MARCHF1: variants seen among roughly 807,000 people sequenced by gnomAD.
The protein encoded by MARCHF1 is E3 ubiquitin-protein ligase MARCHF1.
MARCHF1 carries 40 observed loss-of-function variants against 54.2 expected under a neutral mutation model. That is an observed-to-expected ratio of 0.74 (90% CI 0.57 to 0.96). MARCHF1 has a LOEUF of 0.96. Among genes scored for constraint, MARCHF1 ranks in the 40% least tolerant of loss-of-function variants. The probability of loss-of-function intolerance (pLI) is 0.00; values close to 1 mark genes in which losing one functional copy is unlikely to be tolerated. For missense variants in MARCHF1, 586 were observed against 656.5 expected (o/e 0.89, Z 1.17); for synonymous variants, 236 against 236.3 (o/e 1.00, Z 0.01).
At chr4:163,934,050 A>G (rs1579403794) in intron 3 of MARCHF1, among the ~76,000 whole-genome samples, 1 of 152,238 alleles carries the variant, frequency 6.6e-6, no homozygotes, top group African/African-American at 2.4e-5. Context: ...GGGGAAATAA[A>G]TAAAAGTACA....
At chr4:163,580,797 A>C (rs1361172450) in intron 8 of MARCHF1, among the ~76,000 whole-genome samples, 1 of 75,360 alleles carries the variant, frequency 1.3e-5, no homozygotes, top group Non-Finnish European at 3.1e-5. Flanking sequence ...TAAGTATTAA[A>C]GTTTTTTTTT....
At chr4:163,673,406 G>A (rs945692578) in intron 5 of MARCHF1, among the ~76,000 whole-genome samples, 2 of 152,090 alleles carry the variant, frequency 1.3e-5, no homozygotes, top group East Asian at 3.9e-4. Context: ...TTAACACTAG[G>A]CTTTTATTTT....
chr4:163,948,876 A>G lies in MARCHF1; in HGVS notation c.-39+39625T>C, dbSNP rs183411869. On this transcript the variant is annotated intron_variant, in intron 3 of 9. Coordinates refer to ENST00000514618, the MANE Select transcript of MARCHF1 (RefSeq NM_001394959.1). ...AGACAATGATTACTACAACAAGTTG[A>G]AGGGTGAGAAAGCCACAAATTAGAA... Among the ~76,000 whole-genome samples the G allele has an allele frequency of 3.9e-5, 6 of 152,384 alleles. No individual in the cohort carries two copies. The East Asian group carries it at 1.2e-3, about 29-fold the overall frequency.
At chr4:164,119,987 T>A (rs1231201966) in intron 1 of MARCHF1, among the ~76,000 whole-genome samples, 3 of 151,968 alleles carry the variant, frequency 2.0e-5, no homozygotes, top group Admixed American at 2.0e-4. Context: ...ACATTATTTT[T>A]ATGAAGTGAA....
At chr4:163,741,886 A>G (rs867720866) in intron 4 of MARCHF1, among the ~76,000 whole-genome samples, 1 of 152,166 alleles carries the variant, frequency 6.6e-6, no homozygotes, top group East Asian at 1.9e-4. Context: ...ACACATTTTA[A>G]TGTTTTCCAT....
At chr4:164,017,578 C>T (rs1044140169) in intron 2 of MARCHF1, among the ~76,000 whole-genome samples, 1 of 151,624 alleles carries the variant, frequency 6.6e-6, no homozygotes, top group African/African-American at 2.4e-5. Context: ...AGCATCTAAA[C>T]CAAGAATACT....
chr4:163,951,279 C>T (rs572336034), intron 3 of MARCHF1, among the ~76,000 whole-genome samples: 16 of 151,976 alleles, frequency 1.1e-4, no homozygotes, highest in Admixed American at 5.9e-4. Context: ...TTTTTTTCAC[C>T]GTTAACCCTT....
At chr4:163,550,190 G>A (rs1048477493) in intron 8 of MARCHF1, among the ~76,000 whole-genome samples, 3 of 148,716 alleles carry the variant, frequency 2.0e-5, no homozygotes, top group African/African-American at 7.5e-5. Flanking sequence ...GCTGAGGCAA[G>A]AGAATCGCTT....
chr4:163,654,911 C>T (rs970097568), intron 5 of MARCHF1, among the ~76,000 whole-genome samples: 2 of 151,332 alleles, frequency 1.3e-5, no homozygotes, highest in African/African-American at 4.8e-5. Flanking sequence ...CTATTTATTT[C>T]TATTATCTTT....
At chr4:164,035,819 G>A (rs866442351) in intron 2 of MARCHF1, among the ~76,000 whole-genome samples, 16 of 151,088 alleles carry the variant, frequency 1.1e-4, no homozygotes, top group Middle Eastern at 3.4e-3. Flanking sequence ...GGTGGCTTAC[G>A]CCTGTAATCT....
At position 164,274,659 on chromosome 4, in the gene MARCHF1, C is replaced by CTTCTTTTTTTTTTTTTTTTTTTTTT. The variant is rs1733826760; in HGVS notation, c.-323+109210_-323+109211insAAAAAAAAAAAAAAAAAAAAAAGAA. Among the ~76,000 whole-genome samples the CTTCTTTTTTTTTTTTTTTTTTTTTT allele has an allele frequency of 4.5e-5, 2 of 44,644 alleles. 1 individual carries two copies. Among genetic ancestry groups the CTTCTTTTTTTTTTTTTTTTTTTTTT allele is most frequent in the African/African-American group, 1.5e-4 (2 of 13,408 alleles). 29.3% of individuals were successfully genotyped at this position (44,644 alleles called of 152,430 possible). A position where few individuals can be genotyped will look rare whatever the true frequency, so the allele number is the denominator to read the frequency against. On this transcript the variant is annotated intron_variant, in intron 1 of 9. Coordinates refer to ENST00000514618, the MANE Select transcript of MARCHF1 (RefSeq NM_001394959.1). ...CGCTTGATGTGTGCTTCAGGGTACACTTTTTTTTTTTTTTTTTTTTTTTTT... is the reference window on the plus strand; with the variant it reads ...CGCTTGATGTGTGCTTCAGGGTACACTTCTTTTTTTTTTTTTTTTTTTTTTTTTTTTTTTTTTTTTTTTTTTTTTT...
intron 7 of MARCHF1, among the ~76,000 whole-genome samples, chr4:163,589,602 G>A (rs1740519549): frequency 6.6e-6 from 1 of 151,736 alleles, no homozygotes; most frequent in Admixed American, 6.6e-5. Flanking sequence ...TGCCATTAAA[G>A]AAAGAATTAA....
intron 8 of MARCHF1, chr4:163,555,897 G>T (rs1012439920): frequency 2.2e-6 from 1 of 455,964 alleles, no homozygotes; most frequent in African/African-American, 2.0e-5. Context: ...CAGGTCTGTG[G>T]TCACTCTCTG....
intron 1 of MARCHF1, among the ~76,000 whole-genome samples, chr4:164,177,450 G>A (rs7673540): frequency 0.16 from 24,081 of 151,954 alleles, 2,718 homozygotes; most frequent in African/African-American, 0.31. Flanking sequence ...CATGGCTTGT[G>A]AATGACAAAG....
chr4:163,741,260 T>G (rs1746186293), intron 4 of MARCHF1, among the ~76,000 whole-genome samples: 1 of 152,162 alleles, frequency 6.6e-6, no homozygotes, highest in Non-Finnish European at 1.5e-5. Context: ...ATGGTTTAAT[T>G]GATTACGAGT....
At chr4:163,682,346 G>T (rs555588578) in intron 5 of MARCHF1, among the ~76,000 whole-genome samples, 4 of 152,334 alleles carry the variant, frequency 2.6e-5, no homozygotes, top group African/African-American at 7.2e-5. Context: ...GCCAGCTGCA[G>T]AAATTTGCAT....
rs183903321 is a variant in MARCHF1 at position 164,142,187 on chromosome 4, G to A, written c.-322-30525C>T. ...GAGGGTCCTATGCCCACGGAGACTC[G>A]CTGATTGCTAGCACAGCAGTCTGAG... On this transcript the variant is annotated intron_variant, in intron 1 of 9. Transcript: ENST00000514618. Among the ~76,000 whole-genome samples the A allele has an allele frequency of 4.7e-3, 714 of 152,290 alleles. 5 individuals are homozygous for A. The highest frequency in any genetic ancestry group is 7.7e-3 in the Non-Finnish European group (526 of 68,032).
intron 8 of MARCHF1, among the ~76,000 whole-genome samples, chr4:163,574,018 G>T (rs2110769573): frequency 6.6e-6 from 1 of 152,188 alleles, no homozygotes; most frequent in African/African-American, 2.4e-5. Context: ...ACTGGTGTGA[G>T]ATGATATCTC....
At chr4:163,673,556 A>G (rs1191355119) in intron 5 of MARCHF1, among the ~76,000 whole-genome samples, 2 of 152,164 alleles carry the variant, frequency 1.3e-5, no homozygotes, top group African/African-American at 4.8e-5. Context: ...TTGTTTTTAT[A>G]TTAACCCTAA....
Sources: gnomAD v4.1 joint callset for allele counts (sites outside exome capture counted in the v4.1 genomes callset) on GRCh38, gnomAD v4.1.1 for gene constraint, MANE v1.5 for transcripts, NCBI Gene and HGNC (gene_info 2026-07-23, HGNC 2026-07-21) for gene names.